ABCA12: variants seen among roughly 807,000 people sequenced by gnomAD.
The protein encoded by ABCA12 is ATP binding cassette subfamily A member 12.
Under a neutral mutation model 293.5 loss-of-function variants are expected in ABCA12, and 156 were observed. That is an observed-to-expected ratio of 0.53 (90% confidence interval 0.47 to 0.61). ABCA12 has a LOEUF of 0.61. Ranked by LOEUF, ABCA12 falls within the 20% of genes least tolerant of loss-of-function variation. ABCA12 has a pLI of 0.00. For missense variants in ABCA12, 2,797 were observed against 3,090.2 expected (o/e 0.91, Z 2.25); for synonymous variants, 1,063 against 1,108.0 (o/e 0.96, Z 0.81).
chr2:215,122,103 T>C (rs1422125553), intron 1 of ABCA12, among the ~76,000 whole-genome samples: 1 of 152,224 alleles, frequency 6.6e-6, no homozygotes, highest in East Asian at 1.9e-4. Context: ...AAATTTTTTA[T>C]GGTGTTTACA....
intron 36 of ABCA12, 67 bp downstream of exon 36, chr2:214,973,882 A>G: frequency 7.5e-7 from 1 of 1,334,784 alleles, no homozygotes; most frequent in Non-Finnish European, 1.1e-6. Context: ...ACCTAGAGAG[A>G]TCTTTCGAGC....
chr2:215,049,930 TAGC>T, intron 5 of ABCA12, 119 bp from the exon 6 acceptor site: 1 of 831,904 alleles, frequency 1.2e-6, no homozygotes, highest in South Asian at 1.5e-5. Context: ...TCCTCCATTA[TAGC>T]AGCTATTAAA....
intron 2 of ABCA12, among the ~76,000 whole-genome samples, chr2:215,072,909 A>G (rs1342252445): frequency 6.6e-6 from 1 of 152,204 alleles, no homozygotes; most frequent in Non-Finnish European, 1.5e-5. Flanking sequence ...AGCCTGGCCA[A>G]CATGGTGAAA....
At chr2:215,021,668 A>G (rs1700634099) in intron 11 of ABCA12, among the ~76,000 whole-genome samples, 1 of 152,190 alleles carries the variant, frequency 6.6e-6, no homozygotes, top group African/African-American at 2.4e-5. Context: ...CAGAAGTTAC[A>G]GTTTGACCAA....
At chr2:215,049,070 C>G (rs11889445) in intron 6 of ABCA12, among the ~76,000 whole-genome samples, 9,028 of 152,046 alleles carry the variant, frequency 0.059, 890 homozygotes, top group African/African-American at 0.2. Context: ...CTTAGTACCT[C>G]GGTGACAGAA....
At chr2:214,968,880 C>T in intron 37 of ABCA12, 73 bp from the exon 38 acceptor site, 12 of 1,381,500 alleles carry the variant, frequency 8.7e-6, no homozygotes, top group Non-Finnish European at 9.2e-6. Context: ...AAATACTTAA[C>T]GAGGAGCTCA....
intron 37 of ABCA12, among the ~76,000 whole-genome samples, chr2:214,969,624 G>C (rs1168622726): frequency 1.3e-5 from 2 of 152,004 alleles, no homozygotes; most frequent in Non-Finnish European, 2.9e-5. Context: ...ACTTCTGGAA[G>C]GATATACACC....
At chr2:215,036,228 TTTC>T (rs1421906891) in intron 8 of ABCA12, among the ~76,000 whole-genome samples, 27 of 152,224 alleles carry the variant, frequency 1.8e-4, no homozygotes, top group Admixed American at 1.8e-3. Context: ...ACAGGCATGC[TTTC>T]TTTTTATATG....
chr2:215,027,249 G>A (rs1700768809), intron 9 of ABCA12, among the ~76,000 whole-genome samples: 2 of 152,142 alleles, frequency 1.3e-5, no homozygotes, highest in African/African-American at 4.8e-5. Context: ...TGGAGGCTGA[G>A]GCAAGAGAAT....
chr2:215,058,670 C>T (rs1701469898), intron 3 of ABCA12, among the ~76,000 whole-genome samples: 1 of 152,000 alleles, frequency 6.6e-6, no homozygotes, highest in Non-Finnish European at 1.5e-5. Context: ...CATCAGCTTA[C>T]TAACTTCTAC....
chr2:214,981,297 T>TTC (rs1016309314), intron 30 of ABCA12, among the ~76,000 whole-genome samples: 1 of 152,104 alleles, frequency 6.6e-6, no homozygotes, highest in Admixed American at 6.5e-5. Context: ...TGCATTGTTT[T>TTC]TCTCTCTCTC....
chr2:215,136,431 A>G (rs1172156824), intron 1 of ABCA12, among the ~76,000 whole-genome samples: 2 of 152,216 alleles, frequency 1.3e-5, no homozygotes, highest in African/African-American at 2.4e-5. Context: ...TCAATGAAAA[A>G]CAAACATCTT....
At chr2:215,052,817 T>C (rs929587367) in intron 4 of ABCA12, among the ~76,000 whole-genome samples, 10 of 152,074 alleles carry the variant, frequency 6.6e-5, no homozygotes, top group Admixed American at 1.3e-4. Flanking sequence ...TATCCAATCA[T>C]TTAGATGTCA....
chr2:215,055,518 T>C (rs1701403649), intron 3 of ABCA12, among the ~76,000 whole-genome samples: 1 of 152,012 alleles, frequency 6.6e-6, no homozygotes, highest in African/African-American at 2.4e-5. Flanking sequence ...TGCAAATAAT[T>C]TTTAGAATTC....
At chr2:215,094,974 T>C (rs1327671395) in intron 2 of ABCA12, among the ~76,000 whole-genome samples, 1 of 152,216 alleles carries the variant, frequency 6.6e-6, no homozygotes, top group African/African-American at 2.4e-5. Flanking sequence ...TACCTATCAA[T>C]GGGACAGGCA....
Position 214,997,770 on chromosome 2 carries a change from A to C in ABCA12, c.3219T>G (p.Leu1073=). The change falls in exon 23 of 53, where the codon CTT becomes CTG. Residue 1073 remains leucine, a synonymous_variant. Coordinates refer to ENST00000272895, the MANE Select transcript of ABCA12 (RefSeq NM_173076.3). ...TSVSYSLPIV[L]MVAWVVFIAA... is the part of the protein sequence containing the mutation. ...CTATAAATACAACCCAGGCAACCAT[A>C]AGCACAATTGGAAGAGAATAAGAGA... 1.9e-6 allele frequency: 3 copies of C among 1,613,644 alleles called. No individual in the cohort carries two copies. Among genetic ancestry groups the C allele is most frequent in the Non-Finnish European group, 2.5e-6 (3 of 1,179,708 alleles).
intron 7 of ABCA12, among the ~76,000 whole-genome samples, chr2:215,044,257 G>T: frequency 6.6e-6 from 1 of 152,084 alleles, no homozygotes; most frequent in East Asian, 1.9e-4. Flanking sequence ...TGACTGTGTT[G>T]TTTCCCATGC....
chr2:214,999,339 T>G (rs974439133), intron 22 of ABCA12, among the ~76,000 whole-genome samples: 1 of 152,206 alleles, frequency 6.6e-6, no homozygotes, highest in Non-Finnish European at 1.5e-5. Flanking sequence ...AATGTTGGTC[T>G]TATAAACAGG....
intron 2 of ABCA12, among the ~76,000 whole-genome samples, chr2:215,092,850 C>T (rs749401034): frequency 1.3e-5 from 2 of 152,192 alleles, no homozygotes; most frequent in Non-Finnish European, 2.9e-5. Flanking sequence ...GCTTCCTTTA[C>T]TATTCCTTTG....
Sources: allele counts gnomAD v4.1 joint callset (sites outside exome capture counted in the v4.1 genomes callset), GRCh38; gene constraint gnomAD v4.1.1; transcripts MANE v1.5; gene names NCBI Gene and HGNC (gene_info 2026-07-23, HGNC 2026-07-21).